SDK1: variants seen among roughly 807,000 people sequenced by gnomAD.
SDK1 encodes the protein protein sidekick-1.
A neutral mutation model predicts 245.5 loss-of-function variants in SDK1; 157 were observed. The ratio of observed to expected loss-of-function variants is 0.64; its 90% CI spans 0.56 to 0.73. The LOEUF is 0.73. SDK1 is among the 30% of genes least tolerant of loss of function. SDK1 has a pLI of 0.00. For missense variants in SDK1, 3,583 were observed against 3,002.3 expected, an observed-to-expected ratio of 1.19 and a Z score of -4.52; for synonymous variants, 1,647 against 1,278.5, an observed-to-expected ratio of 1.29 and a Z score of -6.15.
At chr7:3,590,249 A>G (rs892755886) in intron 1 of SDK1, among the ~76,000 whole-genome samples, 6 of 136,214 alleles carry the variant, frequency 4.4e-5, no homozygotes, top group Middle Eastern at 4.1e-3. Flanking sequence ...ATTTTAGTGG[A>G]TTTGATGTAA....
intron 1 of SDK1, among the ~76,000 whole-genome samples, chr7:3,513,386 T>C (rs974845248): frequency 6.6e-6 from 1 of 152,218 alleles, no homozygotes; most frequent in Non-Finnish European, 1.5e-5. Flanking sequence ...TTTACAGTGT[T>C]AACAGAGTTC....
chr7:3,958,820 A>G, intron 7 of SDK1, 111 bp from the exon 8 acceptor site: 1 of 851,580 alleles, frequency 1.2e-6, no homozygotes, highest in Non-Finnish European at 1.9e-6. Flanking sequence ...CTAACTAATG[A>G]TGAAATTTTC....
chr7:3,366,740 T>C (rs1781102200), intron 1 of SDK1, among the ~76,000 whole-genome samples: 1 of 152,026 alleles, frequency 6.6e-6, no homozygotes, highest in Non-Finnish European at 1.5e-5. Flanking sequence ...ATTGTTTTTA[T>C]TTTATTTATT....
intron 1 of SDK1, among the ~76,000 whole-genome samples, chr7:3,379,106 T>G (rs1781422946): frequency 6.6e-6 from 1 of 152,182 alleles, no homozygotes; most frequent in Non-Finnish European, 1.5e-5. Flanking sequence ...CTGACATGGG[T>G]TCCTTCTATT....
chr7:3,421,897 C>G (rs1046789261), intron 1 of SDK1, among the ~76,000 whole-genome samples: 3 of 152,166 alleles, frequency 2.0e-5, no homozygotes, highest in African/African-American at 4.8e-5. Context: ...GGGCCAGATG[C>G]AGTGGCTCCT....
intron 1 of SDK1, among the ~76,000 whole-genome samples, chr7:3,567,060 T>C (rs1215018573): frequency 6.6e-6 from 1 of 152,120 alleles, no homozygotes; most frequent in Non-Finnish European, 1.5e-5. Flanking sequence ...GTACGCATCC[T>C]AGGAACACTT....
At chr7:3,989,647 CA>C (rs1332621081) in intron 14 of SDK1, among the ~76,000 whole-genome samples, 2 of 152,172 alleles carry the variant, frequency 1.3e-5, no homozygotes, top group African/African-American at 4.8e-5. Flanking sequence ...CCCTGAAACC[CA>C]GCTCCCCGTG....
At chr7:4,043,389 C>T (rs1354962854) in intron 17 of SDK1, among the ~76,000 whole-genome samples, 1 of 151,306 alleles carries the variant, frequency 6.6e-6, no homozygotes, top group Non-Finnish European at 1.5e-5. Context: ...CAGCCAGGGA[C>T]TCAGGCAGAG....
At chr7:3,733,943 C>T (rs957950798) in intron 4 of SDK1, among the ~76,000 whole-genome samples, 18 of 152,246 alleles carry the variant, frequency 1.2e-4, no homozygotes, top group East Asian at 5.8e-4. Context: ...AGACTGAGCC[C>T]GGAGAGCTTT....
At position 3,613,246 on chromosome 7, in the gene SDK1, C is replaced by T. The variant is rs563173062; in HGVS notation, c.299-5834C>T. The stretch of plus-strand genomic sequence containing the variant: ...GGACGCAGGATGAGGTAGTAGGCTC[C>T]AGCTGCTGCCCATGTGAATGATTTT... On this transcript the variant is annotated intron_variant, in intron 1 of 44. Coordinates refer to ENST00000404826, the MANE Select transcript of SDK1 (RefSeq NM_152744.4). 1.2e-3 allele frequency among the ~76,000 whole-genome samples: 178 copies of T among 152,288 alleles called. 1 individual carries two copies. Among genetic ancestry groups the T allele is most frequent in the Middle Eastern group, 3.4e-3 (1 of 294 alleles).
At chr7:3,402,800 TCAA>T (rs1281685236) in intron 1 of SDK1, among the ~76,000 whole-genome samples, 9 of 152,234 alleles carry the variant, frequency 5.9e-5, no homozygotes, top group Admixed American at 5.9e-4. Flanking sequence ...TATTCTACAC[TCAA>T]CAGTAGATTG....
intron 4 of SDK1, among the ~76,000 whole-genome samples, chr7:3,703,499 G>A (rs1037648878): frequency 6.6e-6 from 1 of 152,206 alleles, no homozygotes; most frequent in African/African-American, 2.4e-5. Flanking sequence ...CAAGAGGGAG[G>A]TGTGTATGGT....
chr7:4,234,773 G>A (rs578165151), intron 41 of SDK1, among the ~76,000 whole-genome samples: 2 of 152,314 alleles, frequency 1.3e-5, no homozygotes, highest in East Asian at 1.9e-4. Context: ...CGTGCAGACC[G>A]GCTGCAAGCC....
At chr7:3,950,386 C>G (rs1208238558) in intron 5 of SDK1, among the ~76,000 whole-genome samples, 2 of 152,224 alleles carry the variant, frequency 1.3e-5, no homozygotes, top group African/African-American at 4.8e-5. Context: ...TGCCCTTTCA[C>G]TTTCTGTGGT....
chr7:3,855,658 A>G (rs1780527966), intron 5 of SDK1, among the ~76,000 whole-genome samples: 1 of 152,218 alleles, frequency 6.6e-6, no homozygotes, highest in Admixed American at 6.5e-5. Context: ...GGGGGAGGTA[A>G]TGTACAAAGA....
chr7:3,781,847 A>C (rs1780754048), intron 4 of SDK1, among the ~76,000 whole-genome samples: 1 of 152,216 alleles, frequency 6.6e-6, no homozygotes, highest in Non-Finnish European at 1.5e-5. Context: ...GGAAGACAGA[A>C]CATTTGAAAT....
intron 4 of SDK1, among the ~76,000 whole-genome samples, chr7:3,752,379 G>C (rs1562417260): frequency 6.6e-6 from 1 of 152,142 alleles, no homozygotes; most frequent in East Asian, 1.9e-4. Context: ...TTACTATTCT[G>C]CAAGTGAGCT....
rs149340508 is a variant in SDK1, at chr7:4,149,441, G to A, written c.4603G>A (p.Ala1535Thr). 2.5e-5 allele frequency: 39 copies of A among 1,550,850 alleles called. No homozygotes were observed. In the African/African-American group the frequency reaches 3.9e-4, roughly 15 times the overall value. The part of the protein sequence containing the change: ...QTYSSSISHE[A>T]TACVVDRLRP... ...CTACTCCTCGTCCATCAGCCATGAG[G>A]CGACAGCATGCGTCGTTGACAGGTA... Residue 1535 changes from alanine to threonine, a missense_variant, in exon 30 of 45, where the codon GCG becomes ACG. By Grantham distance (58) the Ala-to-Thr change is moderately conservative. Coordinates refer to ENST00000404826, the MANE Select transcript of SDK1 (RefSeq NM_152744.4).
At chr7:3,939,816 G>C (rs188650932) in intron 5 of SDK1, among the ~76,000 whole-genome samples, 30 of 152,330 alleles carry the variant, frequency 2.0e-4, no homozygotes, top group African/African-American at 7.0e-4. Context: ...TTGCAGACAG[G>C]AAAGCTCTTA....
Sources: allele counts gnomAD v4.1 joint callset (sites outside exome capture counted in the v4.1 genomes callset), GRCh38; gene constraint gnomAD v4.1.1; transcripts MANE v1.5; gene names NCBI Gene and HGNC (gene_info 2026-07-23, HGNC 2026-07-21).